Variants in XRN2 observed in about 807,000 individuals in gnomAD.
The protein encoded by XRN2 is DHM1-like protein.
A neutral mutation model predicts 138.5 loss-of-function variants in XRN2; 44 were observed. The observed-to-expected ratio is 0.32, with a 90% CI of 0.25 to 0.41. XRN2 has a LOEUF of 0.41. Among genes scored for constraint, XRN2 ranks in the 10% least tolerant of loss-of-function variants. XRN2 has a pLI of 1.00. For synonymous variants in XRN2, 354 were observed against 369.4 expected, an observed-to-expected ratio of 0.96 and a Z score of 0.48; for missense variants, 937 against 1,169.3, an observed-to-expected ratio of 0.80 and a Z score of 2.90.
Position 21,340,999 on chromosome 20 carries a change from T to C in XRN2, c.1410+147T>C, listed in dbSNP as rs547455326. On this transcript the variant is annotated intron_variant, in intron 15 of 29. Transcript: ENST00000377191. ...CTTTGCCTTGAGAAATGTTTAGTTC[T>C]GTTAAGTCCATCTTTATCAATATGA... is the stretch of plus-strand genomic sequence containing the variant. 4.7e-6 allele frequency: 4 copies of C among 854,406 alleles called. No homozygotes were observed. The African/African-American group carries it at 5.1e-5, about 11-fold the overall frequency. The allele number at this position is 854,406 out of a possible 1,614,324, so 52.9% of individuals were successfully genotyped here.
intron 15 of XRN2, among the ~76,000 whole-genome samples, chr20:21,342,780 G>A (rs2038388617): frequency 6.6e-6 from 1 of 152,164 alleles, no homozygotes; most frequent in South Asian, 2.1e-4. Context: ...TTTAAGATGA[G>A]GCTCACAGAG....
chr20:21,344,311 C>A, intron 16 of XRN2, 103 bp downstream of exon 16: 2 of 801,310 alleles, frequency 2.5e-6, no homozygotes, highest in Admixed American at 4.0e-5. Flanking sequence ...AGATGCTTGC[C>A]TGTGATCTTT....
At chr20:21,324,646 GT>G (rs1359415612) in intron 1 of XRN2, among the ~76,000 whole-genome samples, 1 of 151,898 alleles carries the variant, frequency 6.6e-6, no homozygotes, top group Non-Finnish European at 1.5e-5. Context: ...CTGTTTACTT[GT>G]TTAAGAGATG....
intron 23 of XRN2, 128 bp downstream of exon 23, chr20:21,356,793 TG>T (rs2038580765): frequency 1.2e-6 from 1 of 841,486 alleles, no homozygotes. Context: ...GACAAAACCT[TG>T]CTGACTGAAA....
chr20:21,361,192 G>C (rs891290773), intron 24 of XRN2, among the ~76,000 whole-genome samples: 1 of 152,200 alleles, frequency 6.6e-6, no homozygotes, highest in African/African-American at 2.4e-5. Context: ...CAGCAGTGCT[G>C]AAAGTGCTAC....
intron 1 of XRN2, among the ~76,000 whole-genome samples, chr20:21,309,045 T>G (rs1194716946): frequency 6.6e-6 from 1 of 152,206 alleles, no homozygotes; most frequent in East Asian, 1.9e-4. Context: ...TTGTATTATT[T>G]TTATATACGT....
intron 23 of XRN2, among the ~76,000 whole-genome samples, chr20:21,357,528 T>C (rs1471072745): frequency 6.6e-6 from 1 of 152,188 alleles, no homozygotes; most frequent in Non-Finnish European, 1.5e-5. Flanking sequence ...ACTAATGAGA[T>C]TGAATGCCTT....
chr20:21,357,880 A>T, intron 24 of XRN2, 88 bp downstream of exon 24: 1 of 1,147,250 alleles, frequency 8.7e-7, no homozygotes, highest in South Asian at 1.6e-5. Flanking sequence ...TCACAAGGAA[A>T]TGGCAGCTGT....
intron 3 of XRN2, among the ~76,000 whole-genome samples, chr20:21,328,031 A>C (rs1568573269): frequency 6.6e-6 from 1 of 152,098 alleles, no homozygotes; most frequent in Non-Finnish European, 1.5e-5. Context: ...AAAATTATAA[A>C]CCTTATTGTG....
chr20:21,350,263 G>A (rs904169705), intron 20 of XRN2, among the ~76,000 whole-genome samples: 5 of 151,658 alleles, frequency 3.3e-5, no homozygotes, highest in Non-Finnish European at 5.9e-5. Context: ...GCAGTGGCTC[G>A]CGCCTGTAAT....
intron 1 of XRN2, among the ~76,000 whole-genome samples, chr20:21,323,922 A>G (rs2038083279): frequency 6.6e-6 from 1 of 152,142 alleles, no homozygotes; most frequent in Non-Finnish European, 1.5e-5. Flanking sequence ...TGCAGCTGAG[A>G]TCATATGGCC....
Position 21,356,189 on chromosome 20 carries a change from A to C in XRN2, c.2118+12A>C. 6.3e-7 allele frequency: 1 copy of C among 1,576,418 alleles called. No homozygotes were observed. Among genetic ancestry groups the C allele is most frequent in the Non-Finnish European group, 8.6e-7 (1 of 1,161,806 alleles). ...CAGGTTCCACAGAGGTATGTTACGC[A>C]ATTTGGTTAATTAGAAATGCACTTT... On this transcript the variant is annotated intron_variant, in intron 22 of 29. Transcript: ENST00000377191.
Position 21,307,865 on chromosome 20 carries a change from C to A in XRN2, c.75+4392C>A, listed in dbSNP as rs917556700. 1.4e-4 allele frequency among the ~76,000 whole-genome samples: 11 copies of A among 77,762 alleles called. 4 individuals carry two copies. Among genetic ancestry groups the A allele is most frequent in the African/African-American group, 3.9e-4 (11 of 28,568 alleles). The allele number at this position is 77,762 out of a possible 152,430, so 51.0% of individuals were successfully genotyped here. A position where few individuals can be genotyped will look rare whatever the true frequency, so the allele number is the denominator to read the frequency against. On this transcript the variant is annotated intron_variant, in intron 1 of 29. Coordinates refer to ENST00000377191, the MANE Select transcript of XRN2 (RefSeq NM_012255.5). ...TATAGTATATACTCATTTTTTGCCT[C>A]AGTTACTTTCATTCAGTATACTTAT...
chr20:21,310,115 A>C (rs2037859946), intron 1 of XRN2, among the ~76,000 whole-genome samples: 1 of 152,166 alleles, frequency 6.6e-6, no homozygotes, highest in Non-Finnish European at 1.5e-5. Context: ...ATATTGTTTA[A>C]ACAGTGTGCC....
chr20:21,364,630 A>G (rs1048719575), intron 24 of XRN2, among the ~76,000 whole-genome samples: 2 of 152,056 alleles, frequency 1.3e-5, no homozygotes, highest in Admixed American at 6.6e-5. Flanking sequence ...CATGTGGGGA[A>G]ACCCCATCTC....
chr20:21,340,916 G>T, intron 15 of XRN2, 64 bp downstream of exon 15: 1 of 1,565,170 alleles, frequency 6.4e-7, no homozygotes, highest in South Asian at 1.2e-5. Flanking sequence ...TTGCAGGGGT[G>T]GTGTGTGTGT....
rs995175237 is a variant in XRN2, at chr20:21,332,407, T to C, written c.825T>C (p.Asp275=). 12 of 1,612,208 alleles carry C rather than the reference T, an allele frequency of 7.4e-6. No individual in the cohort carries two copies. The African/African-American group carries it at 1.5e-4, about 20-fold the overall frequency. Residue 275 remains aspartate (D), a synonymous_variant, in exon 9 of 30, where the codon GAT becomes GAC. Coordinates refer to ENST00000377191, the MANE Select transcript of XRN2 (RefSeq NM_012255.5). Reference sequence around the variant, plus strand: ...ATCAGTTTGGACATGAGGTCAAAGATTGTGAAGGTTTGCCAAGAGAAAAGA... The same window carrying C: ...ATCAGTTTGGACATGAGGTCAAAGACTGTGAAGGTTTGCCAAGAGAAAAGA... ...LCNQFGHEVK[D]CEGLPREKKG...
chr20:21,378,885 CTGA>C (rs1411736687), intron 27 of XRN2, among the ~76,000 whole-genome samples: 2 of 152,132 alleles, frequency 1.3e-5, no homozygotes, highest in Non-Finnish European at 2.9e-5. Flanking sequence ...TCAGTTTTGG[CTGA>C]TGAGTAATTG....
chr20:21,339,021 A>AT (rs746771532), intron 13 of XRN2, 23 bp from the exon 14 acceptor site: 15 of 1,588,332 alleles, frequency 9.4e-6, no homozygotes, highest in Admixed American at 8.6e-5. Context: ...ATTTGACAGA[A>AT]TATGTGGATT....
Sources: allele counts gnomAD v4.1 joint callset (sites outside exome capture counted in the v4.1 genomes callset), GRCh38; gene constraint gnomAD v4.1.1; transcripts MANE v1.5; gene names NCBI Gene and HGNC (gene_info 2026-07-23, HGNC 2026-07-21).